Variants in NAV2 observed in about 807,000 individuals in gnomAD.
NAV2 encodes helicase, APC down-regulated 1.
Under a neutral mutation model 223.2 loss-of-function variants are expected in NAV2, and 54 were observed. The observed-to-expected ratio is 0.24, with a 90% CI of 0.19 to 0.30. The LOEUF is 0.30. NAV2 is among the 10% of genes least tolerant of loss of function. The probability of loss-of-function intolerance (pLI) is 1.00; values close to 1 mark genes in which losing one functional copy is unlikely to be tolerated. For missense variants in NAV2, 2,806 were observed against 3,147.5 expected (o/e 0.89, Z 2.60); for synonymous variants, 1,279 against 1,239.3 (o/e 1.03, Z -0.67).
At chr11:20,113,772 A>G (rs1389398963) in intron 36 of NAV2, among the ~76,000 whole-genome samples, 2 of 152,176 alleles carry the variant, frequency 1.3e-5, no homozygotes, top group Non-Finnish European at 2.9e-5. Flanking sequence ...CCTTTGGGAG[A>G]CCAAGGCACG....
intron 1 of NAV2, among the ~76,000 whole-genome samples, chr11:19,720,256 C>CAGA (rs1316928895): frequency 2.0e-5 from 3 of 152,324 alleles, no homozygotes; most frequent in Admixed American, 1.3e-4. Flanking sequence ...CAGAATGGGC[C>CAGA]ATGTGATTTT....
At chr11:20,032,924 G>A (rs2055922677) in intron 11 of NAV2, among the ~76,000 whole-genome samples, 1 of 152,244 alleles carries the variant, frequency 6.6e-6, no homozygotes, top group Non-Finnish European at 1.5e-5. Flanking sequence ...CATTGCTGCA[G>A]CATTGCCCCT....
At chr11:19,472,840 G>A (rs12286258) in intron 1 of NAV2, among the ~76,000 whole-genome samples, 33,063 of 152,130 alleles carry the variant, frequency 0.22, 3,684 homozygotes, top group Admixed American at 0.27. Context: ...AGGCAGCCAA[G>A]CCTGGTGCTG....
intron 1 of NAV2, among the ~76,000 whole-genome samples, chr11:19,629,683 G>C (rs1336300815): frequency 6.6e-6 from 1 of 152,068 alleles, no homozygotes; most frequent in Non-Finnish European, 1.5e-5. Context: ...ATAGGTCCTA[G>C]ACAGGGACAG....
chr11:19,981,979 A>C (rs565640141), intron 10 of NAV2, among the ~76,000 whole-genome samples: 1 of 129,454 alleles, frequency 7.7e-6, no homozygotes, highest in East Asian at 2.0e-4. Flanking sequence ...TTTGGGCTTC[A>C]TTCATTCATG....
chr11:20,109,245 T>C (rs2062429380), intron 36 of NAV2, among the ~76,000 whole-genome samples: 1 of 152,236 alleles, frequency 6.6e-6, no homozygotes, highest in African/African-American at 2.4e-5. Flanking sequence ...AACTGGAGCA[T>C]ACGCATTGCA....
At chr11:19,578,195 T>C (rs2045621030) in intron 1 of NAV2, among the ~76,000 whole-genome samples, 1 of 152,236 alleles carries the variant, frequency 6.6e-6, no homozygotes, top group South Asian at 2.1e-4. Context: ...CTCTGCCTCC[T>C]CCGGCTCTGC....
chr11:19,964,608 G>C (rs1031446824), intron 10 of NAV2, among the ~76,000 whole-genome samples: 2 of 151,276 alleles, frequency 1.3e-5, no homozygotes, highest in African/African-American at 4.9e-5. Context: ...CAGTCCTCCT[G>C]CCTCAGCCTC....
chr11:19,789,758 G>GT (rs1220698117), intron 1 of NAV2, among the ~76,000 whole-genome samples: 1 of 152,208 alleles, frequency 6.6e-6, no homozygotes, highest in Non-Finnish European at 1.5e-5. Context: ...GCATGGCACT[G>GT]TTTTGAGTAT....
At chr11:20,071,678 C>T (rs1461602152) in intron 22 of NAV2, among the ~76,000 whole-genome samples, 1 of 147,834 alleles carries the variant, frequency 6.8e-6, no homozygotes, top group Non-Finnish European at 1.5e-5. Flanking sequence ...GATGGTATCT[C>T]ATTGTGGTTT....
chr11:19,877,347 C>A (rs1367601807), intron 4 of NAV2, among the ~76,000 whole-genome samples: 2 of 152,038 alleles, frequency 1.3e-5, no homozygotes, highest in Non-Finnish European at 2.9e-5. Context: ...ACATAGATTT[C>A]ATCTATCCCC....
chr11:19,369,587 T>C (rs1406237211), intron 1 of NAV2, among the ~76,000 whole-genome samples: 1 of 152,158 alleles, frequency 6.6e-6, no homozygotes, highest in Non-Finnish European at 1.5e-5. Context: ...CCTCAGAGAT[T>C]TTCTTTGAGC....
At chr11:20,049,793 G>A in intron 15 of NAV2, 43 bp from the exon 16 acceptor site, 1 of 1,583,414 alleles carries the variant, frequency 6.3e-7, no homozygotes. Context: ...TTTCTTCCAA[G>A]CTAACGTTCC....
chr11:20,120,933 A>T lies in NAV2; in HGVS notation c.*2675A>T, dbSNP rs954745824. 1 of 152,588 alleles carries T rather than the reference A, an allele frequency of 6.6e-6. No individual in the cohort carries two copies. The highest frequency in any genetic ancestry group is 2.4e-5 in the African/African-American group (1 of 41,428). 9.5% of individuals were successfully genotyped at this position (152,588 alleles called of 1,614,324 possible). ...GTTAGGCCAATTTTGAAATATATAA[A>T]TTCTATGCAACATTTATGTTGAGTT... On this transcript the variant is annotated 3_prime_UTR_variant, in exon 38 of 38. Coordinates refer to ENST00000349880, the MANE Select transcript of NAV2 (RefSeq NM_145117.5).
intron 1 of NAV2, among the ~76,000 whole-genome samples, chr11:19,625,472 A>G (rs568430702): frequency 6.6e-6 from 1 of 152,168 alleles, no homozygotes; most frequent in Non-Finnish European, 1.5e-5. Flanking sequence ...AACTAGGTTG[A>G]TTCCATAACT....
chr11:20,005,725 A>G (rs1440756587), intron 11 of NAV2, among the ~76,000 whole-genome samples: 1 of 152,118 alleles, frequency 6.6e-6, no homozygotes, highest in African/African-American at 2.4e-5. Flanking sequence ...ACCCTTCAGA[A>G]CTCCTGCAAG....
At chr11:19,737,519 A>G (rs1206598154) in intron 1 of NAV2, among the ~76,000 whole-genome samples, 1 of 152,344 alleles carries the variant, frequency 6.6e-6, no homozygotes, top group Non-Finnish European at 1.5e-5. Context: ...GTAATATGGT[A>G]GAAGGTGGTA....
At chr11:19,585,565 G>T (rs1392838301) in intron 1 of NAV2, among the ~76,000 whole-genome samples, 1 of 152,052 alleles carries the variant, frequency 6.6e-6, no homozygotes, top group Non-Finnish European at 1.5e-5. Context: ...CTCTTTTAGG[G>T]CAGGCCTGGT....
chr11:19,351,631 G>A (rs1259472106), intron 1 of NAV2, among the ~76,000 whole-genome samples: 3 of 152,128 alleles, frequency 2.0e-5, no homozygotes, highest in Non-Finnish European at 4.4e-5. Flanking sequence ...GCGTTGTGGA[G>A]TAGCATAGGG....
Sources: allele counts gnomAD v4.1 joint callset (sites outside exome capture counted in the v4.1 genomes callset), GRCh38; gene constraint gnomAD v4.1.1; transcripts MANE v1.5; gene names NCBI Gene and HGNC (gene_info 2026-07-23, HGNC 2026-07-21).